The following APAF1 variants were observed in gnomAD, a reference collection of about 807,000 sequenced individuals.
APAF1 encodes apoptotic protease-activating factor 1.
In APAF1, 91 loss-of-function variants were observed where a neutral mutation model predicts 152.4. The ratio of observed to expected loss-of-function variants is 0.60; its 90% CI spans 0.50 to 0.71. The LOEUF (loss-of-function observed/expected upper bound fraction) is 0.71. Ranked by LOEUF, APAF1 falls within the 30% of genes least tolerant of loss-of-function variation. The pLI is 0.00. For synonymous variants in APAF1, 484 were observed against 494.1 expected, an observed-to-expected ratio of 0.98 and a Z score of 0.27; for missense variants, 1,283 against 1,472.0, an observed-to-expected ratio of 0.87 and a Z score of 2.10.
intron 10 of APAF1, among the ~76,000 whole-genome samples, chr12:98,669,540 C>A (rs960849108): frequency 6.6e-6 from 1 of 152,016 alleles, no homozygotes; most frequent in Non-Finnish European, 1.5e-5. Context: ...TGCTTTTTAC[C>A]ATTTAATTAC....
At chr12:98,696,286 G>A (rs1372321638) in intron 16 of APAF1, among the ~76,000 whole-genome samples, 1 of 152,170 alleles carries the variant, frequency 6.6e-6, no homozygotes, top group African/African-American at 2.4e-5. Flanking sequence ...GTGGGCGTGT[G>A]CAAAGAGATC....
intron 16 of APAF1, among the ~76,000 whole-genome samples, chr12:98,690,002 T>C (rs1329703657): frequency 6.6e-6 from 1 of 152,216 alleles, no homozygotes; most frequent in Non-Finnish European, 1.5e-5. Flanking sequence ...TTGTAACTCA[T>C]AGTACAGAAT....
At chr12:98,722,631 G>A (rs1022638629) in intron 22 of APAF1, among the ~76,000 whole-genome samples, 1 of 151,996 alleles carries the variant, frequency 6.6e-6, no homozygotes, top group Admixed American at 6.6e-5. Context: ...TATGTCTGAG[G>A]AGCTCCTCCT....
In APAF1 at chr12:98,714,592, GC is replaced by G. The variant is rs112099215; in HGVS notation, c.2959-832del. ...GTGTGCTCAACTGTTATGCTATCCT[GC>G]CCTTGCCTCAGGGTTTGTGAGATCG... On this transcript the variant is annotated intron_variant, in intron 21 of 26. Transcript: ENST00000551964. Among the ~76,000 whole-genome samples, 106 of 152,262 alleles carry G rather than the reference GC, an allele frequency of 7.0e-4. 1 individual carries two copies. The highest frequency in any genetic ancestry group is 2.4e-3 in the African/African-American group (99 of 41,544).
At chr12:98,650,714 G>T (rs1258993644) in intron 4 of APAF1, among the ~76,000 whole-genome samples, 1 of 151,856 alleles carries the variant, frequency 6.6e-6, no homozygotes, top group Non-Finnish European at 1.5e-5. Flanking sequence ...CCTAACCCTT[G>T]GTTTTTCCCC....
intron 15 of APAF1, among the ~76,000 whole-genome samples, chr12:98,685,827 G>A (rs2097697436): frequency 6.6e-6 from 1 of 151,784 alleles, no homozygotes; most frequent in Non-Finnish European, 1.5e-5. Context: ...AGTAGAGATG[G>A]GGTTTTGCTA....
At chr12:98,662,632 A>G in intron 6 of APAF1, 43 bp from the exon 7 acceptor site, 1 of 1,609,326 alleles carries the variant, frequency 6.2e-7, no homozygotes, top group Non-Finnish European at 8.5e-7. Flanking sequence ...TAAATATGTG[A>G]CATACCAAAT....
chr12:98,723,804 G>A (rs767345305), intron 24 of APAF1, 40 bp downstream of exon 24: 51 of 1,606,902 alleles, frequency 3.2e-5, no homozygotes, highest in Non-Finnish European at 4.3e-5. Context: ...AACTTTGGTA[G>A]TGGTTATGTA....
At chr12:98,667,483 T>C (rs550469158) in intron 9 of APAF1, 30 bp from the exon 10 acceptor site, 2 of 1,610,964 alleles carry the variant, frequency 1.2e-6, no homozygotes, top group African/African-American at 2.7e-5. Context: ...AAATTGTTTC[T>C]GGCTTCTGAA....
At chr12:98,710,630 A>C (rs1296957473) in intron 20 of APAF1, among the ~76,000 whole-genome samples, 1 of 152,084 alleles carries the variant, frequency 6.6e-6, no homozygotes, top group African/African-American at 2.4e-5. Flanking sequence ...CACTATGTTG[A>C]CCACGCTGGT....
intron 16 of APAF1, among the ~76,000 whole-genome samples, chr12:98,689,463 A>AGT (rs1491402557): frequency 5.3e-5 from 5 of 94,020 alleles, no homozygotes; most frequent in East Asian, 3.7e-4. Context: ...AGAGAGAGAG[A>AGT]GTGTGTGTGT....
At chr12:98,710,128 C>T (rs1020341926) in intron 20 of APAF1, among the ~76,000 whole-genome samples, 2 of 151,442 alleles carry the variant, frequency 1.3e-5, no homozygotes, top group South Asian at 2.1e-4. Flanking sequence ...CCCACCTCGG[C>T]CTCCCAAAGA....
chr12:98,723,360 C>T (rs1028450759), intron 23 of APAF1, 48 bp downstream of exon 23: 1 of 1,575,338 alleles, frequency 6.3e-7, no homozygotes, highest in African/African-American at 1.3e-5. Flanking sequence ...TCTCATATTG[C>T]AATGATTATA....
At chr12:98,688,139 C>T (rs546146867) in intron 16 of APAF1, among the ~76,000 whole-genome samples, 1 of 152,284 alleles carries the variant, frequency 6.6e-6, no homozygotes, top group African/African-American at 2.4e-5. Flanking sequence ...AAAGCTTATT[C>T]AGCCTTCTGA....
chr12:98,701,537 A>G (rs549851070), intron 17 of APAF1, among the ~76,000 whole-genome samples: 100 of 152,364 alleles, frequency 6.6e-4, no homozygotes, highest in African/African-American at 2.3e-3. Context: ...AATTATAGCC[A>G]TCCTAGTAGG....
Position 98,648,353 on chromosome 12 carries a change from A to G in APAF1, c.-7A>G, listed in dbSNP as rs760587585. 2 of 1,613,958 alleles carry G rather than the reference A, an allele frequency of 1.2e-6. No homozygotes were observed. The highest frequency in any genetic ancestry group is 1.7e-6 in the Non-Finnish European group (2 of 1,179,986). ...GACAGCTCAGAGAGAGAAAGATCTG[A>G]GGGAAGATGGATGCAAAAGCTCGAA... On this transcript the variant is annotated 5_prime_UTR_variant, in exon 2 of 27. Transcript: ENST00000551964.
chr12:98,683,377 A>G lies in APAF1; in HGVS notation c.2178+103A>G, dbSNP rs188178572. On this transcript the variant is annotated intron_variant, in intron 15 of 26. Transcript: ENST00000551964. Reference sequence around the variant, plus strand: ...ACTACTATTAGGACTTTCTGGTCACAATGATAGAAACTACAATAATATATT... The same window carrying G: ...ACTACTATTAGGACTTTCTGGTCACGATGATAGAAACTACAATAATATATT... 42 of 1,167,832 alleles carry G rather than the reference A, an allele frequency of 3.6e-5. No homozygotes were observed. The African/African-American group carries it at 5.8e-4, about 16-fold the overall frequency. The allele number at this position is 1,167,832 out of a possible 1,614,324, so 72.3% of individuals were successfully genotyped here. A position where few individuals can be genotyped will look rare whatever the true frequency, so the allele number is the denominator to read the frequency against.
intron 16 of APAF1, among the ~76,000 whole-genome samples, chr12:98,687,774 G>A (rs1301629722): frequency 6.6e-6 from 1 of 152,116 alleles, no homozygotes; most frequent in Non-Finnish European, 1.5e-5. Context: ...TTAAACCACA[G>A]CAAGATCTAT....
chr12:98,678,879 G>A (rs923163825), intron 13 of APAF1, among the ~76,000 whole-genome samples: 2 of 152,228 alleles, frequency 1.3e-5, no homozygotes, highest in African/African-American at 4.8e-5. Context: ...ATGAGCATAG[G>A]AGGGAAGCCA....
Sources: allele counts gnomAD v4.1 joint callset (sites outside exome capture counted in the v4.1 genomes callset), GRCh38; gene constraint gnomAD v4.1.1; transcripts MANE v1.5; gene names NCBI Gene and HGNC (gene_info 2026-07-23, HGNC 2026-07-21).